RTL4: variants seen among roughly 807,000 people sequenced by gnomAD.
The protein encoded by RTL4 is retrotransposon Gag like 4.
RTL4 carries 4 observed loss-of-function variants against 5.3 expected under a neutral mutation model. The observed-to-expected ratio is 0.75, with a 90% CI of 0.37 to 1.72. RTL4 has a LOEUF of 1.72. Among genes scored for constraint, RTL4 ranks in the 40% most tolerant of loss-of-function variants. The pLI is 0.04. For synonymous variants in RTL4, 98 were observed against 87.3 expected, an observed-to-expected ratio of 1.12 and a Z score of -0.68; for missense variants, 260 against 227.1, an observed-to-expected ratio of 1.14 and a Z score of -0.93.
the RTL4 span, among the ~76,000 whole-genome samples, chrX:112,346,729 G>A: frequency 0.016 from 1,831 of 111,437 alleles, 25 homozygotes; most frequent in African/African-American, 0.056. Context: ...AAGAAACCAT[G>A]TGTCTTAAAC....
At chrX:112,198,953 G>T in the RTL4 span, among the ~76,000 whole-genome samples, 14 of 110,817 alleles carry the variant, frequency 1.3e-4, no homozygotes, top group South Asian at 1.2e-3. Context: ...TAGAATTGCA[G>T]AAGTGGGTAG....
the RTL4 span, among the ~76,000 whole-genome samples, chrX:112,191,273 A>C: frequency 8.9e-6 from 1 of 111,918 alleles, no homozygotes; most frequent in African/African-American, 3.3e-5. Flanking sequence ...AAAAGGTCCT[A>C]GTTTCTGACA....
At chrX:112,347,745 A>G in the RTL4 span, among the ~76,000 whole-genome samples, 1 of 111,457 alleles carries the variant, frequency 9.0e-6, no homozygotes, top group South Asian at 3.8e-4. Flanking sequence ...ACAGAATCTG[A>G]CCTCCAGTGA....
the RTL4 span, among the ~76,000 whole-genome samples, chrX:112,448,019 G>A: frequency 2.7e-5 from 3 of 111,632 alleles, no homozygotes; most frequent in African/African-American, 9.8e-5. Context: ...CAGATTGCCT[G>A]TGTACCACAG....
chrX:112,415,711 A>G, the RTL4 span, among the ~76,000 whole-genome samples: 3 of 111,714 alleles, frequency 2.7e-5, no homozygotes, highest in African/African-American at 6.5e-5. Context: ...TTTTTATTAA[A>G]GATTTTATTT....
At chrX:112,302,609 A>AG in the RTL4 span, among the ~76,000 whole-genome samples, 8 of 112,315 alleles carry the variant, frequency 7.1e-5, no homozygotes, top group African/African-American at 2.3e-4. Flanking sequence ...CTCACCCTGT[A>AG]GGGCTGTTAA....
At chrX:112,148,317 T>C in the RTL4 span, among the ~76,000 whole-genome samples, 1 of 97,830 alleles carries the variant, frequency 1.0e-5, no homozygotes, top group African/African-American at 4.3e-5. Context: ...AACTGCCATG[T>C]GACTGAGTGC....
the RTL4 span, among the ~76,000 whole-genome samples, chrX:112,404,733 G>A: frequency 2.7e-5 from 3 of 112,908 alleles, no homozygotes; most frequent in South Asian, 3.6e-4. Context: ...TAGCATTCTA[G>A]TCATAGCTTT....
chrX:112,400,960 T>C, the RTL4 span, among the ~76,000 whole-genome samples: 1 of 111,651 alleles, frequency 9.0e-6, no homozygotes, highest in African/African-American at 3.3e-5. Context: ...AGGTTCCCAC[T>C]CCTTGTACTG....
chrX:112,094,891 G>C, the RTL4 span, among the ~76,000 whole-genome samples: 1 of 111,402 alleles, frequency 9.0e-6, no homozygotes, highest in African/African-American at 3.3e-5. Flanking sequence ...TGAGGAAATA[G>C]AAACAGTGTA....
the RTL4 span, among the ~76,000 whole-genome samples, chrX:112,189,965 G>A: frequency 6.3e-5 from 7 of 111,613 alleles, no homozygotes; most frequent in African/African-American, 1.6e-4. Context: ...CAGAATTGCT[G>A]ATATACAAGA....
the RTL4 span, among the ~76,000 whole-genome samples, chrX:112,130,395 G>A: frequency 9.1e-6 from 1 of 109,694 alleles, no homozygotes; most frequent in Non-Finnish European, 1.9e-5. Context: ...GCCAGCTTGC[G>A]AGGTGGGTAA....
the RTL4 span, among the ~76,000 whole-genome samples, chrX:112,310,665 T>TTTATGTA: frequency 1.5e-5 from 1 of 66,419 alleles, no homozygotes; most frequent in Admixed American, 2.7e-4. Context: ...TATTAGTATA[T>TTTATGTA]TTATGTATTA....
chrX:112,137,711 C>G, the RTL4 span, among the ~76,000 whole-genome samples: 1 of 111,490 alleles, frequency 9.0e-6, no homozygotes, highest in Non-Finnish European at 1.9e-5. Flanking sequence ...CAGAGCCAAA[C>G]CATAACAGAT....
the RTL4 span, among the ~76,000 whole-genome samples, chrX:112,294,323 G>A: frequency 7.9e-4 from 88 of 111,220 alleles, no homozygotes; most frequent in Middle Eastern, 0.023. Context: ...AAGGCCAGGC[G>A]CGGTGGCTCA....
the RTL4 span, among the ~76,000 whole-genome samples, chrX:112,091,257 G>T: frequency 9.0e-6 from 1 of 110,849 alleles, no homozygotes; most frequent in Non-Finnish European, 1.9e-5. Flanking sequence ...TTTATCTCTT[G>T]TCTCATAATT....
chrX:112,323,517 A>C, the RTL4 span, among the ~76,000 whole-genome samples: 52 of 109,784 alleles, frequency 4.7e-4, no homozygotes, highest in African/African-American at 1.7e-3. Flanking sequence ...TTTGAGACAG[A>C]GTCTCACTCT....
the RTL4 span, among the ~76,000 whole-genome samples, chrX:112,122,756 C>A: frequency 9.0e-6 from 1 of 110,613 alleles, no homozygotes; most frequent in African/African-American, 3.3e-5. Flanking sequence ...AAGATTGTAT[C>A]CATTAGAGAT....
the RTL4 span, among the ~76,000 whole-genome samples, chrX:112,340,054 A>C: frequency 8.9e-6 from 1 of 112,889 alleles, no homozygotes; most frequent in Non-Finnish European, 1.9e-5. Flanking sequence ...CAATTTCAGT[A>C]GTTCAGCCTT....
Sources: allele counts gnomAD v4.1 joint callset (sites outside exome capture counted in the v4.1 genomes callset), GRCh38; gene constraint gnomAD v4.1.1; transcripts MANE v1.5; gene names NCBI Gene and HGNC (gene_info 2026-07-23, HGNC 2026-07-21).